GPC3: variants seen among roughly 807,000 people sequenced by gnomAD.
GPC3 encodes the protein glypican 3, also known as glypican-3.
GPC3 carries 3 observed loss-of-function variants against 34.4 expected under a neutral mutation model. That is an observed-to-expected ratio of 0.09 (90% CI 0.04 to 0.23). The LOEUF (loss-of-function observed/expected upper bound fraction) is 0.23. GPC3 is among the 10% of genes least tolerant of loss of function. The pLI, the probability that GPC3 is intolerant of heterozygous loss-of-function variation, is 1.00. For synonymous variants in GPC3, 177 were observed against 174.0 expected (o/e 1.02, Z -0.13); for missense variants, 351 against 445.6 (o/e 0.79, Z 1.91).
At chrX:133,617,317 T>C (rs1235119844) in intron 6 of GPC3, among the ~76,000 whole-genome samples, 1 of 112,164 alleles carries the variant, frequency 8.9e-6, no homozygotes, top group African/African-American at 3.2e-5. Flanking sequence ...GTCAAAGACT[T>C]ATCTTTGCAA....
At chrX:133,711,467 C>T (rs1186244952) in intron 3 of GPC3, among the ~76,000 whole-genome samples, 1 of 110,969 alleles carries the variant, frequency 9.0e-6, no homozygotes. Flanking sequence ...GGGAGTGGAG[C>T]CCAGCTTTTA....
intron 7 of GPC3, among the ~76,000 whole-genome samples, chrX:133,588,786 C>A (rs190599681): frequency 3.9e-4 from 44 of 111,712 alleles, no homozygotes; most frequent in African/African-American, 1.3e-3. Context: ...TGCTGTTTTA[C>A]TTGAGATCGT....
chrX:133,558,398 C>T (rs2069511605), intron 7 of GPC3, among the ~76,000 whole-genome samples: 1 of 109,897 alleles, frequency 9.1e-6, no homozygotes, highest in African/African-American at 3.3e-5. Flanking sequence ...CTTCGCCTTC[C>T]AGGCTCTCTC....
At chrX:133,947,852 T>C (rs2076375732) in intron 2 of GPC3, among the ~76,000 whole-genome samples, 1 of 112,006 alleles carries the variant, frequency 8.9e-6, no homozygotes, top group African/African-American at 3.2e-5. Context: ...GTTCCTAAAA[T>C]TATCCTATTC....
intron 2 of GPC3, among the ~76,000 whole-genome samples, chrX:133,827,944 CAAAAAAAAAAA>C (rs760699432): frequency 8.3e-5 from 3 of 36,045 alleles, no homozygotes; most frequent in South Asian, 5.1e-3. Context: ...AACTCCATCC[CAAAAAAAAAAA>C]AAAAAAAAAA....
intron 3 of GPC3, among the ~76,000 whole-genome samples, chrX:133,751,957 T>C (rs1050697459): frequency 7.2e-5 from 8 of 111,676 alleles, no homozygotes; most frequent in African/African-American, 1.6e-4. Context: ...CACGTGATCA[T>C]GGCTCACTGC....
chrX:133,657,977 T>C (rs1295218286), intron 6 of GPC3, among the ~76,000 whole-genome samples: 2 of 108,580 alleles, frequency 1.8e-5, no homozygotes, highest in Non-Finnish European at 3.8e-5. Context: ...TGTTGGAGCA[T>C]GCTATTGTAG....
chrX:133,636,234 C>T (rs2070422650), intron 6 of GPC3, among the ~76,000 whole-genome samples: 1 of 112,645 alleles, frequency 8.9e-6, no homozygotes, highest in African/African-American at 3.2e-5. Context: ...CACATAGCAA[C>T]ACTATAGAAC....
intron 2 of GPC3, among the ~76,000 whole-genome samples, chrX:133,943,097 G>T (rs2076351613): frequency 9.0e-6 from 1 of 111,664 alleles, no homozygotes; most frequent in Admixed American, 9.5e-5. Flanking sequence ...GAAAGAATGA[G>T]AACCTTAATC....
At chrX:133,691,576 A>G (rs917141819) in intron 5 of GPC3, among the ~76,000 whole-genome samples, 12 of 111,232 alleles carry the variant, frequency 1.1e-4, no homozygotes, top group African/African-American at 3.6e-4. Context: ...TTTCAGTAAA[A>G]TTGCTCAGTG....
chrX:133,814,133 C>T (rs951681816), intron 2 of GPC3, among the ~76,000 whole-genome samples: 14 of 111,125 alleles, frequency 1.3e-4, no homozygotes, highest in African/African-American at 4.6e-4. Context: ...TTTCGGATGT[C>T]GAGGTCACTG....
intron 2 of GPC3, among the ~76,000 whole-genome samples, chrX:133,939,556 C>G (rs2076336124): frequency 9.0e-6 from 1 of 111,529 alleles, no homozygotes; most frequent in Admixed American, 9.6e-5. Flanking sequence ...GTATGGCTAA[C>G]TACTTATGGG....
At chrX:133,842,216 C>T (rs915012127) in intron 2 of GPC3, among the ~76,000 whole-genome samples, 5 of 109,136 alleles carry the variant, frequency 4.6e-5, no homozygotes, top group African/African-American at 1.7e-4. Context: ...ACTTGGGAGG[C>T]TGAGGCAAGG....
chrX:133,882,190 A>G (rs1289788667), intron 2 of GPC3, among the ~76,000 whole-genome samples: 7 of 111,821 alleles, frequency 6.3e-5, no homozygotes, highest in Non-Finnish European at 1.3e-4. Flanking sequence ...CTTGCAATCC[A>G]TTCTCTTTCC....
chrX:133,984,579 G>T (rs1458323880), intron 1 of GPC3, among the ~76,000 whole-genome samples: 1 of 111,684 alleles, frequency 9.0e-6, no homozygotes, highest in South Asian at 3.8e-4. Flanking sequence ...GGAGGGGGAG[G>T]AGTTAAATAT....
intron 2 of GPC3, among the ~76,000 whole-genome samples, chrX:133,883,201 G>C (rs1603265491): frequency 9.0e-6 from 1 of 111,341 alleles, no homozygotes; most frequent in East Asian, 2.8e-4. Context: ...CCTTTATTCT[G>C]GGCCTTTCAA....
chrX:133,917,008 CT>C (rs1161548737), intron 2 of GPC3, among the ~76,000 whole-genome samples: 2 of 111,874 alleles, frequency 1.8e-5, no homozygotes, highest in Non-Finnish European at 3.8e-5. Flanking sequence ...TGGCAAATTC[CT>C]TAATCTCCCT....
Position 133,638,618 on chromosome X carries a change from G to C in GPC3, c.1413+23112C>G, listed in dbSNP as rs1174972050. 2.7e-5 allele frequency among the ~76,000 whole-genome samples: 3 copies of C among 111,429 alleles called. No homozygotes were observed. In the East Asian group the frequency reaches 8.4e-4, roughly 31 times the overall value. On this transcript the variant is annotated intron_variant, in intron 6 of 7. Coordinates refer to ENST00000370818, the MANE Select transcript of GPC3 (RefSeq NM_004484.4). ...CAATGTAGATGTATATGAATGCCTT[G>C]CCTCAAATTTAGTTGTGGATCCCCA...
chrX:133,759,914 C>CAGTACACTTGCA (rs1298064074), intron 2 of GPC3, among the ~76,000 whole-genome samples: 5 of 111,508 alleles, frequency 4.5e-5, no homozygotes, highest in African/African-American at 1.6e-4. Context: ...GTATCCAAAA[C>CAGTACACTTGCA]ACTCAAAGAA....
Sources: gnomAD v4.1 joint callset for allele counts (sites outside exome capture counted in the v4.1 genomes callset) on GRCh38, gnomAD v4.1.1 for gene constraint, MANE v1.5 for transcripts, NCBI Gene and HGNC (gene_info 2026-07-23, HGNC 2026-07-21) for gene names.